LRRFIP2: variants seen among roughly 807,000 people sequenced by gnomAD.
LRRFIP2 encodes the protein LRR binding FLII interacting protein 2.
LRRFIP2 carries 109 observed loss-of-function variants against 125.9 expected under a neutral mutation model. That is an observed-to-expected ratio of 0.87 (90% CI 0.74 to 1.01). The LOEUF is 1.01. Among genes scored for constraint, LRRFIP2 ranks in the 50% least tolerant of loss-of-function variants. LRRFIP2 has a pLI of 0.00. For missense variants in LRRFIP2, 850 were observed against 862.3 expected (o/e 0.99, Z 0.18); for synonymous variants, 291 against 293.1 (o/e 0.99, Z 0.07).
At chr3:37,084,511 A>T (rs929830082) in intron 18 of LRRFIP2, among the ~76,000 whole-genome samples, 2 of 152,120 alleles carry the variant, frequency 1.3e-5, no homozygotes, top group East Asian at 1.9e-4. Flanking sequence ...AAAAAAAAGT[A>T]CAAAAATTAG....
intron 25 of LRRFIP2, among the ~76,000 whole-genome samples, chr3:37,056,559 T>G (rs2086931258): frequency 6.6e-6 from 1 of 151,836 alleles, no homozygotes; most frequent in Non-Finnish European, 1.5e-5. Context: ...GTTCACGCCA[T>G]TCTCCTGCCT....
At chr3:37,136,303 C>G (rs143147668) in intron 2 of LRRFIP2, among the ~76,000 whole-genome samples, 251 of 152,270 alleles carry the variant, frequency 1.6e-3, no homozygotes, top group Non-Finnish European at 2.7e-3. Flanking sequence ...TGAGGAGTGA[C>G]TGCTAAGTGG....
At chr3:37,173,790 C>T (rs1189458364) in intron 1 of LRRFIP2, among the ~76,000 whole-genome samples, 1 of 152,182 alleles carries the variant, frequency 6.6e-6, no homozygotes, top group African/African-American at 2.4e-5. Context: ...AGAAATTGCT[C>T]CCTCCCTCTT....
chr3:37,093,869 G>C (rs1295792099), intron 17 of LRRFIP2, among the ~76,000 whole-genome samples: 1 of 152,182 alleles, frequency 6.6e-6, no homozygotes, highest in Non-Finnish European at 1.5e-5. Context: ...TGGGTTGTCT[G>C]AATGCATCTC....
At chr3:37,142,324 A>C (rs1397282914) in intron 2 of LRRFIP2, among the ~76,000 whole-genome samples, 1 of 151,776 alleles carries the variant, frequency 6.6e-6, no homozygotes, top group Non-Finnish European at 1.5e-5. Context: ...TTTTTTGTAG[A>C]GACAGGGTTT....
Position 37,158,738 on chromosome 3 carries a change from A to G in LRRFIP2, c.-55-9700T>C, listed in dbSNP as rs74497040. Among the ~76,000 whole-genome samples the G allele has an allele frequency of 2.0e-5, 3 of 152,320 alleles. No individual in the cohort carries two copies. In the East Asian group the frequency reaches 5.8e-4, roughly 29 times the overall value. ...CAAAAAGTAAGGGAAATGGGAACAC[A>G]TGTAACAAGGATATAATTTTTCAAT... On this transcript the variant is annotated intron_variant, in intron 1 of 27. Transcript: ENST00000336686.
At position 37,129,299 on chromosome 3, in the gene LRRFIP2, T is replaced by C. The variant is rs568168259; in HGVS notation, c.91-150A>G. The C allele has an allele frequency of 1.1e-4, 69 of 652,322 alleles. 1 individual carries two copies. The South Asian group carries it at 1.3e-3, about 12-fold the overall frequency. 40.4% of individuals were successfully genotyped at this position (652,322 alleles called of 1,614,324 possible). ...CAGCAAGCAAGTTTGATTGATTGTT[T>C]TAATCAACTCTTATAAACTCATTTC... On this transcript the variant is annotated intron_variant, in intron 2 of 27. Coordinates refer to ENST00000336686, the MANE Select transcript of LRRFIP2 (RefSeq NM_006309.4).
rs548269821 is a variant in LRRFIP2 at position 37,121,073 on chromosome 3, A to G, written c.330+419T>C. Reference sequence around the variant, plus strand: ...AGAACTTTTCAAATCAGTTGTTCAAATTTTCCACATAATAAAATTACAATT... The same window carrying G: ...AGAACTTTTCAAATCAGTTGTTCAAGTTTTCCACATAATAAAATTACAATT... On this transcript the variant is annotated intron_variant, in intron 6 of 27. Transcript: ENST00000336686. Among the ~76,000 whole-genome samples the G allele has an allele frequency of 4.3e-4, 65 of 152,342 alleles. No individual in the cohort carries two copies. In the South Asian group the frequency reaches 4.3e-3, roughly 10 times the overall value.
intron 17 of LRRFIP2, among the ~76,000 whole-genome samples, chr3:37,092,158 C>T (rs2093477520): frequency 6.6e-6 from 1 of 152,112 alleles, no homozygotes; most frequent in Non-Finnish European, 1.5e-5. Context: ...AAAGCACTTG[C>T]TCCAAATGTT....
rs149078087 is a variant in LRRFIP2 at position 37,060,918 on chromosome 3, C to T, written c.1750-2008G>A. On this transcript the variant is annotated intron_variant, in intron 24 of 27. Coordinates refer to ENST00000336686, the MANE Select transcript of LRRFIP2 (RefSeq NM_006309.4). This position sits in a 1 kb window ranked among gnomAD's most constrained non-coding sequence, Gnocchi z 4.1. ...TCAATTTCTGGTATATCTCCTCTTA[C>T]GGTTTGGATGTCTGTCCCCTCCAAA... 8.5e-5 allele frequency among the ~76,000 whole-genome samples: 13 copies of T among 152,250 alleles called. No individual in the cohort carries two copies. Among genetic ancestry groups the T allele is most frequent in the East Asian group, 3.9e-4 (2 of 5,180 alleles).
intron 1 of LRRFIP2, among the ~76,000 whole-genome samples, chr3:37,171,455 T>C (rs557678718): frequency 5.8e-4 from 88 of 152,250 alleles, no homozygotes; most frequent in East Asian, 2.3e-3. Flanking sequence ...TTTTTTTTTT[T>C]TCTCTCTAGT....
chr3:37,127,648 TC>T lies in LRRFIP2; in HGVS notation c.209del (p.Gly70AspfsTer55), dbSNP rs751624241. The T allele has an allele frequency of 4.3e-6, 7 of 1,613,834 alleles. No individual in the cohort carries two copies. The African/African-American group carries it at 9.3e-5, about 22-fold the overall frequency. Reference sequence around the variant, plus strand: ...GGCCTACCAGCCACTTCTGAATCTGTCCCCACTTCCGATCAAAGGAATGAAG... The same window carrying T: ...GGCCTACCAGCCACTTCTGAATCTGTCCCACTTCCGATCAAAGGAATGAAG... ...YSLHSFDRKW[G>X]QIQKWLEDSE... On this transcript the variant is annotated frameshift_variant, in exon 4 of 28. Coordinates refer to ENST00000336686, the MANE Select transcript of LRRFIP2 (RefSeq NM_006309.4). LOFTEE classifies it high-confidence loss of function.
intron 15 of LRRFIP2, among the ~76,000 whole-genome samples, chr3:37,098,240 T>A (rs913349234): frequency 1.3e-5 from 2 of 151,866 alleles, no homozygotes; most frequent in Non-Finnish European, 2.9e-5. Flanking sequence ...TAAAACAACA[T>A]ATAAATGTTT....
intron 16 of LRRFIP2, among the ~76,000 whole-genome samples, 172 bp downstream of exon 16, chr3:37,096,444 G>T (rs2093722311): frequency 6.6e-6 from 1 of 152,056 alleles, no homozygotes; most frequent in Non-Finnish European, 1.5e-5. Flanking sequence ...CTCTTCCCAG[G>T]GCCTCACATG....
chr3:37,097,215 A>C (rs1424384484), intron 15 of LRRFIP2, among the ~76,000 whole-genome samples: 1 of 151,632 alleles, frequency 6.6e-6, no homozygotes, highest in Non-Finnish European at 1.5e-5. Flanking sequence ...AAAAAAAATC[A>C]AACAGCACAA....
intron 2 of LRRFIP2, 145 bp from the exon 3 acceptor site, chr3:37,129,294 T>C (rs2095365478): frequency 6.1e-6 from 4 of 659,772 alleles, no homozygotes; most frequent in South Asian, 1.8e-5. Context: ...GTTTGATTGA[T>C]TGTTTTAATC....
At chr3:37,154,954 C>T (rs2096139334) in intron 1 of LRRFIP2, among the ~76,000 whole-genome samples, 3 of 152,190 alleles carry the variant, frequency 2.0e-5, no homozygotes, top group Admixed American at 2.0e-4. Flanking sequence ...ATCACAGCTG[C>T]CATTACAGTG....
intron 1 of LRRFIP2, among the ~76,000 whole-genome samples, chr3:37,156,672 T>A (rs1577732497): frequency 5.3e-4 from 4 of 7,506 alleles, no homozygotes; most frequent in Admixed American, 2.0e-3. Context: ...AGACTCAGTA[T>A]CAAAAAAAAA....
intron 1 of LRRFIP2, among the ~76,000 whole-genome samples, chr3:37,173,693 C>T (rs2150467343): frequency 6.6e-6 from 1 of 152,318 alleles, no homozygotes; most frequent in African/African-American, 2.4e-5. Context: ...TCCCAGCACA[C>T]TGCAAGAATT....
Sources: gnomAD v4.1 joint callset for allele counts (sites outside exome capture counted in the v4.1 genomes callset) on GRCh38, gnomAD v4.1.1 for gene constraint, Gnocchi (gnomAD v3.1) non-coding constraint, MANE v1.5 for transcripts, NCBI Gene and HGNC (gene_info 2026-07-23, HGNC 2026-07-21) for gene names.